The following UBE3B variants were observed in gnomAD, a reference collection of about 807,000 sequenced individuals.
UBE3B encodes the protein ubiquitin protein ligase E3B.
In UBE3B, 80 loss-of-function variants were observed where a neutral mutation model predicts 132.3. The observed-to-expected ratio is 0.60, with a 90% confidence interval of 0.50 to 0.73. UBE3B has a LOEUF of 0.73. Ranked by LOEUF, UBE3B falls within the 30% of genes least tolerant of loss-of-function variation. The pLI, the probability that UBE3B is intolerant of heterozygous loss-of-function variation, is 0.00. For missense variants in UBE3B, 1,196 were observed against 1,362.5 expected, an observed-to-expected ratio of 0.88 and a Z score of 1.92; for synonymous variants, 487 against 520.4, an observed-to-expected ratio of 0.94 and a Z score of 0.87.
chr12:109,509,748 ATGC>A, intron 16 of UBE3B, 34 bp downstream of exon 16: 1 of 1,443,560 alleles, frequency 6.9e-7, no homozygotes, highest in Non-Finnish European at 9.6e-7. Context: ...TGTTTGGTTG[ATGC>A]TGCACCCAGG....
the UBE3B span, among the ~76,000 whole-genome samples, chr12:109,545,591 A>T: frequency 6.6e-6 from 1 of 152,038 alleles, no homozygotes; most frequent in African/African-American, 2.4e-5. Flanking sequence ...CAGGATTCAA[A>T]CCCTGGTCTG....
At chr12:109,487,298 AG>A (rs1400228289) in intron 6 of UBE3B, among the ~76,000 whole-genome samples, 1 of 152,184 alleles carries the variant, frequency 6.6e-6, no homozygotes, top group Non-Finnish European at 1.5e-5. Context: ...AAGGATGGAC[AG>A]GGGTGTGAGC....
At chr12:109,533,759 C>T (rs1883192784) in intron 27 of UBE3B, 2 of 827,870 alleles carry the variant, frequency 2.4e-6, no homozygotes, top group Admixed American at 2.0e-5. Flanking sequence ...CGGACTCAGC[C>T]CTCTCTCGGC....
At position 109,510,327 on chromosome 12, in the gene UBE3B, G is replaced by A. The variant is rs753464361; in HGVS notation, c.1742-17G>A. 1.3e-6 allele frequency: 2 copies of A among 1,582,622 alleles called. No homozygotes were observed. The highest frequency in any genetic ancestry group is 1.3e-5 in the African/African-American group (1 of 74,530). ...CTCTGACTCCTCCTCTGACTTTCCT[G>A]TTTGTTTGTCCCACAGAGAACGCCA... On this transcript the variant is annotated splice_polypyrimidine_tract_variant and intron_variant, in intron 16 of 27. Coordinates refer to ENST00000342494, the MANE Select transcript of UBE3B (RefSeq NM_130466.4).
intron 9 of UBE3B, among the ~76,000 whole-genome samples, chr12:109,495,928 C>T (rs1426633189): frequency 6.6e-6 from 1 of 152,220 alleles, no homozygotes; most frequent in African/African-American, 2.4e-5. Context: ...CACAATGCTG[C>T]AGAGATTTTG....
At chr12:109,481,097 T>C (rs1473402211) in intron 1 of UBE3B, among the ~76,000 whole-genome samples, 2 of 143,144 alleles carry the variant, frequency 1.4e-5, no homozygotes, top group African/African-American at 5.2e-5. Context: ...AGAGCAAGAC[T>C]CCGTCTCAAA....
rs1879197365 is a variant in UBE3B at position 109,503,084 on chromosome 12, G to A, written c.1344G>A (p.Gly448=). The part of the protein sequence containing the change: ...ASVRNILRPV[G]GKRVDSAEVQ... ...TCCGGAATATTCTCAGGCCTGTCGG[G>A]GGTAAACGGGTCGACTCTGCAGAAG... Residue 448 remains glycine, a synonymous_variant, in exon 14 of 28, where the codon GGG becomes GGA. Coordinates refer to ENST00000342494, the MANE Select transcript of UBE3B (RefSeq NM_130466.4). The A allele has an allele frequency of 5.0e-6, 8 of 1,614,174 alleles. No individual in the cohort carries two copies. The highest frequency in any genetic ancestry group is 1.7e-5 in the Admixed American group (1 of 60,028).
chr12:109,524,927 C>A (rs750759209), intron 23 of UBE3B, among the ~76,000 whole-genome samples: 1 of 151,912 alleles, frequency 6.6e-6, no homozygotes. Context: ...AGACCCTGGT[C>A]TCAGGGCCGC....
At position 109,522,532 on chromosome 12, in the gene UBE3B, G is replaced by C. The variant is rs1030110556; in HGVS notation, c.2364+981G>C. Among the ~76,000 whole-genome samples the C allele has an allele frequency of 2.0e-5, 3 of 152,242 alleles. No homozygotes were observed. Among genetic ancestry groups the C allele is most frequent in the Non-Finnish European group, 4.4e-5 (3 of 68,046 alleles). ...GCTGAGCTTCTGGCCCAAGCACGGA[G>C]GAAGCGAGCCACCTGGGCAGCACTC... On this transcript the variant is annotated intron_variant, in intron 21 of 27. Coordinates refer to ENST00000342494, the MANE Select transcript of UBE3B (RefSeq NM_130466.4). The surrounding 1 kb of genome is among the most constrained non-coding windows in gnomAD (Gnocchi z 4.2).
At chr12:109,487,660 A>T (rs1409195688) in intron 6 of UBE3B, among the ~76,000 whole-genome samples, 1 of 152,230 alleles carries the variant, frequency 6.6e-6, no homozygotes, top group East Asian at 1.9e-4. Flanking sequence ...TGTACATTCC[A>T]CAACAGATTG....
In UBE3B at chr12:109,524,081, A is replaced by G; in HGVS notation, c.2468A>G (p.Asp823Gly). The stretch of plus-strand genomic sequence containing the variant: ...TCGGTGGATGAACTGCCTTCTCTGG[A>G]CTCCGAGTTCTATAAAAACCTCACC... ...YSSVDELPSLDSEFYKNLTSI... is the reference protein window; with the variant it reads ...YSSVDELPSLGSEFYKNLTSI... The change falls in exon 22 of 28, where the codon GAC becomes GGC. Residue 823 changes from aspartate to glycine, a missense_variant. Physicochemically the swap from Asp to Gly is moderately conservative, Grantham distance 94. Coordinates refer to ENST00000342494, the MANE Select transcript of UBE3B (RefSeq NM_130466.4). 6.2e-7 allele frequency: 1 copy of G among 1,613,938 alleles called. No homozygotes were observed. The highest frequency in any genetic ancestry group is 8.5e-7 in the Non-Finnish European group (1 of 1,179,980).
At chr12:109,484,395 C>T (rs1161258484) in intron 4 of UBE3B, among the ~76,000 whole-genome samples, 1 of 152,054 alleles carries the variant, frequency 6.6e-6, no homozygotes, top group African/African-American at 2.4e-5. Context: ...TGGACTCATA[C>T]TCTGATTTTT....
rs1350933662 is a variant in UBE3B at position 109,534,537 on chromosome 12, C to G, written c.3016-54C>G. ...TGGGCTCCCTGGCCTTGGCATCAGCCTGGGCTCCCAAACTAGGCCCTTCCC... is the reference window on the plus strand; with the variant it reads ...TGGGCTCCCTGGCCTTGGCATCAGCGTGGGCTCCCAAACTAGGCCCTTCCC... On this transcript the variant is annotated intron_variant, in intron 27 of 27. Transcript: ENST00000342494. This position sits in a 1 kb window ranked among gnomAD's most constrained non-coding sequence, Gnocchi z 5.2. 5.2e-6 allele frequency: 8 copies of G among 1,552,924 alleles called. No homozygotes were observed. In the African/African-American group the frequency reaches 1.1e-4, roughly 21 times the overall value.
intron 23 of UBE3B, among the ~76,000 whole-genome samples, chr12:109,525,046 C>T (rs1437080875): frequency 6.6e-6 from 1 of 152,088 alleles, no homozygotes; most frequent in Non-Finnish European, 1.5e-5. Context: ...AGTGCAGGTC[C>T]AAGGGCCGCT....
At chr12:109,500,263 A>G (rs759184843) in intron 12 of UBE3B, among the ~76,000 whole-genome samples, 83 of 152,350 alleles carry the variant, frequency 5.4e-4, no homozygotes, top group Non-Finnish European at 1.1e-3. Context: ...GTAATTATGA[A>G]CTTAAAAACA....
intron 1 of UBE3B, among the ~76,000 whole-genome samples, chr12:109,481,061 C>T (rs965136579): frequency 9.3e-5 from 14 of 150,976 alleles, no homozygotes; most frequent in African/African-American, 2.9e-4. Context: ...GCCAATATCG[C>T]GCCACTGCAC....
At chr12:109,484,437 C>A (rs1876032527) in intron 4 of UBE3B, among the ~76,000 whole-genome samples, 1 of 152,106 alleles carries the variant, frequency 6.6e-6, no homozygotes, top group Non-Finnish European at 1.5e-5. Context: ...TGTCGCCAGG[C>A]TGGTGTGCAG....
Position 109,483,567 on chromosome 12 carries a change from C to A in UBE3B, c.16C>A (p.Gln6Lys). 6.3e-7 allele frequency: 1 copy of A among 1,588,278 alleles called. No individual in the cohort carries two copies. The highest frequency in any genetic ancestry group is 8.5e-7 in the Non-Finnish European group (1 of 1,171,126). MFTLSQTSRAWFIDRA... is the reference protein window; with the variant it reads MFTLSKTSRAWFIDRA... ...GTTTGCAAACATGTTCACCCTGTCT[C>A]AGACCTCGAGAGCATGGTTCATCGA... is the stretch of plus-strand genomic sequence containing the variant. Residue 6 changes from glutamine (Q) to lysine (K), a missense_variant, in exon 3 of 28, where the codon CAG becomes AAG. Coordinates refer to ENST00000342494, the MANE Select transcript of UBE3B (RefSeq NM_130466.4).
intron 27 of UBE3B, 198 bp downstream of exon 27, chr12:109,533,756 A>T: frequency 2.4e-6 from 2 of 827,306 alleles, no homozygotes; most frequent in Non-Finnish European, 2.0e-6. Flanking sequence ...CCACGGACTC[A>T]GCCCTCTCTC....
Sources: gnomAD v4.1 joint callset for allele counts (sites outside exome capture counted in the v4.1 genomes callset) on GRCh38, gnomAD v4.1.1 for gene constraint, Gnocchi (gnomAD v3.1) non-coding constraint, MANE v1.5 for transcripts, NCBI Gene and HGNC (gene_info 2026-07-23, HGNC 2026-07-21) for gene names.